The following ESS2 variants were observed in gnomAD, a reference collection of about 807,000 sequenced individuals.
ESS2 encodes the protein splicing factor ESS-2 homolog.
In ESS2, 31 loss-of-function variants were observed where a neutral mutation model predicts 52.0. The observed-to-expected ratio is 0.60, with a 90% CI of 0.45 to 0.81. The LOEUF (loss-of-function observed/expected upper bound fraction) is 0.81, where lower values mean the gene tolerates loss of function less well. ESS2 is among the 30% of genes least tolerant of loss of function. The pLI, the probability that ESS2 is intolerant of heterozygous loss-of-function variation, is 0.00. For synonymous variants in ESS2, 285 were observed against 259.2 expected, an observed-to-expected ratio of 1.10 and a Z score of -0.95; for missense variants, 602 against 637.2, an observed-to-expected ratio of 0.94 and a Z score of 0.59.
rs760323222 is a variant in ESS2, at chr22:19,135,067, G to A, written c.1144C>T (p.Leu382=). 6.2e-7 allele frequency: 1 copy of A among 1,613,588 alleles called. No homozygotes were observed. Among genetic ancestry groups the A allele is most frequent in the Non-Finnish European group, 8.5e-7 (1 of 1,179,890 alleles). ...QEALRRVTEN[L]ASLTPKGLSP... is the part of the protein sequence containing the mutation. ...AGCCAGGCGGCCCCTCACCTGGCCA[G>A]ATTCTCCGTCACTCTCCGCAAGGCT... Residue 382 remains leucine, a synonymous_variant, in exon 9 of 10, where the codon CTG becomes TTG. Transcript: ENST00000252137.
In ESS2 at chr22:19,131,340, C is replaced by A; in HGVS notation, c.*2856G>T. On this transcript the variant is annotated 3_prime_UTR_variant, in exon 10 of 10. Transcript: ENST00000252137. This position sits in a 1 kb window ranked among gnomAD's most constrained non-coding sequence, Gnocchi z 5.7. ...TCCGGTAGTGTAAATGAGGACAATG[C>A]CTGCTGGCCCACATGACGGGGGGAT... 2 of 1,454,712 alleles carry A rather than the reference C, an allele frequency of 1.4e-6. No individual in the cohort carries two copies. The highest frequency in any genetic ancestry group is 2.0e-5 in the Admixed American group (1 of 49,260). 90.1% of individuals were successfully genotyped at this position (1,454,712 alleles called of 1,614,324 possible). A position where few individuals can be genotyped will look rare whatever the true frequency, so the allele number is the denominator to read the frequency against.
intron 6 of ESS2, 175 bp from the exon 7 acceptor site, chr22:19,138,492 C>T (rs776652037): frequency 8.2e-6 from 6 of 729,730 alleles, no homozygotes; most frequent in Admixed American, 2.0e-5. Flanking sequence ...GCCCCAACCC[C>T]CCAAAAGACC....
chr22:19,139,506 G>A, intron 5 of ESS2, 106 bp downstream of exon 5: 1 of 1,298,664 alleles, frequency 7.7e-7, no homozygotes, highest in Non-Finnish European at 1.1e-6. Context: ...AGCCCAAACT[G>A]CAAGGGGGCA....
intron 1 of ESS2, 33 bp from the exon 2 acceptor site, chr22:19,142,927 C>T (rs1240714021): frequency 1.3e-6 from 2 of 1,595,036 alleles, no homozygotes; most frequent in Non-Finnish European, 1.7e-6. Flanking sequence ...AAGTCAGAGG[C>T]CAGGCGCGGT....
intron 2 of ESS2, 36 bp from the exon 3 acceptor site, chr22:19,142,669 C>T: frequency 1.2e-6 from 2 of 1,609,320 alleles, no homozygotes; most frequent in Non-Finnish European, 1.7e-6. Flanking sequence ...TTAGAGTGAG[C>T]CTGAAGCGAC....
chr22:19,144,093 G>A (rs1047825404), intron 1 of ESS2: 1 of 1,009,336 alleles, frequency 9.9e-7, no homozygotes, highest in Non-Finnish European at 1.2e-6. Flanking sequence ...CCTTCTGTGT[G>A]CGTGTGGTGG....
At chr22:19,141,384 G>A (rs1214467946) in intron 3 of ESS2, among the ~76,000 whole-genome samples, 3 of 152,118 alleles carry the variant, frequency 2.0e-5, no homozygotes, top group Non-Finnish European at 4.4e-5. Context: ...TACTACTGAT[G>A]AAAAGAGGGC....
chr22:19,137,278 G>A, intron 8 of ESS2, 45 bp downstream of exon 8: 2 of 1,428,290 alleles, frequency 1.4e-6, no homozygotes, highest in Non-Finnish European at 1.9e-6. Flanking sequence ...GGCTCCAGAG[G>A]TGTCCACCCC....
At position 19,137,355 on chromosome 22, in the gene ESS2, A is replaced by G. The variant is rs758121446; in HGVS notation, c.1003T>C (p.Tyr335His). Residue 335 changes from tyrosine (Y) to histidine (H), a missense_variant, in exon 8 of 10, where the codon TAC becomes CAC. Coordinates refer to ENST00000252137, the MANE Select transcript of ESS2 (RefSeq NM_022719.3). ...PLRVEGSETP[Y>H]VDRTPGPAFK... ...GCTGGGCCGGGTGTCCTGTCCACGT[A>G]GGGCGTTTCCGACCCTTCAACTCTC... is the stretch of plus-strand genomic sequence containing the variant. 6.2e-6 allele frequency: 10 copies of G among 1,613,692 alleles called. No individual in the cohort carries two copies. In the East Asian group the frequency reaches 2.0e-4, roughly 32 times the overall value.
intron 8 of ESS2, among the ~76,000 whole-genome samples, chr22:19,136,052 A>AG (rs1258227801): frequency 6.0e-5 from 9 of 150,512 alleles, no homozygotes; most frequent in Non-Finnish European, 1.2e-4. Context: ...AAAAAAAAAA[A>AG]AAAGAGGCGA....
intron 1 of ESS2, chr22:19,144,264 T>G (rs756753362): frequency 2.0e-5 from 25 of 1,280,932 alleles, no homozygotes; most frequent in Non-Finnish European, 2.5e-5. Flanking sequence ...AAAATCTTCT[T>G]TCCCTGACCC....
rs191156369 is a variant in ESS2, at chr22:19,133,764, G to A, written c.*432C>T. 2.1e-3 allele frequency: 349 copies of A among 164,930 alleles called. 7 individuals are homozygous for A. Among genetic ancestry groups the A allele is most frequent in the Non-Finnish European group, 4.3e-4 (33 of 77,180 alleles). 10.2% of individuals were successfully genotyped at this position (164,930 alleles called of 1,614,324 possible). A position where few individuals can be genotyped will look rare whatever the true frequency, so the allele number is the denominator to read the frequency against. On this transcript the variant is annotated 3_prime_UTR_variant, in exon 10 of 10. Coordinates refer to ENST00000252137, the MANE Select transcript of ESS2 (RefSeq NM_022719.3). ...GAGCTCAACTCAGAACACAGGTTCC[G>A]AGTGCCGCAGAAAGCAACGCCAGTC...
chr22:19,139,556 GAC>G (rs2083646001), intron 5 of ESS2, 54 bp downstream of exon 5: 2 of 1,528,770 alleles, frequency 1.3e-6, no homozygotes, highest in African/African-American at 1.4e-5. Flanking sequence ...AACACAGCCA[GAC>G]ACACACAGCT....
At chr22:19,144,164 C>T (rs2083743866) in intron 1 of ESS2, 2 of 1,084,622 alleles carry the variant, frequency 1.8e-6, no homozygotes, top group Admixed American at 9.9e-5. Flanking sequence ...CCAGGAACCC[C>T]AGCATTCACA....
rs748464483 is a variant in ESS2 at position 19,144,611 on chromosome 22, G to C, written c.30C>G (p.Ser10=). The change falls in exon 1 of 10, where the codon TCC becomes TCG. Residue 10 remains serine, a synonymous_variant. Transcript: ENST00000252137. METPGASAS[S]LLLPAASRPP... ...GCCTGGACGCGGCGGGAAGCAACAAGGACGACGCTGATGCGCCCGGCGTCT... is the reference window on the plus strand; with the variant it reads ...GCCTGGACGCGGCGGGAAGCAACAACGACGACGCTGATGCGCCCGGCGTCT... 8 of 1,577,812 alleles carry C rather than the reference G, an allele frequency of 5.1e-6. No individual in the cohort carries two copies. The highest frequency in any genetic ancestry group is 3.6e-5 in the Admixed American group (2 of 55,352).
intron 3 of ESS2, among the ~76,000 whole-genome samples, chr22:19,140,252 C>A (rs2083662229): frequency 1.3e-5 from 2 of 152,200 alleles, no homozygotes; most frequent in African/African-American, 4.8e-5. Flanking sequence ...AGATTCAGGG[C>A]CAGCTCTGCT....
At chr22:19,139,132 T>TGCGGCCCTGCTGACCCGC in intron 6 of ESS2, 27 bp downstream of exon 6, 1 of 1,562,604 alleles carries the variant, frequency 6.4e-7, no homozygotes, top group Non-Finnish European at 8.7e-7. Flanking sequence ...ACCTGGCCCA[T>TGCGGCCCTGCTGACCCGC]GCGGCCCTGC....
In ESS2 at chr22:19,134,386, A is replaced by AG; in HGVS notation, c.1240dup (p.Leu414ProfsTer145). 6.2e-7 allele frequency: 1 copy of AG among 1,611,720 alleles called. No individual in the cohort carries two copies. Among genetic ancestry groups the AG allele is most frequent in the Non-Finnish European group, 8.5e-7 (1 of 1,179,150 alleles). On this transcript the variant is annotated frameshift_variant, in exon 10 of 10. Coordinates refer to ENST00000252137, the MANE Select transcript of ESS2 (RefSeq NM_022719.3). LOFTEE classifies it high-confidence loss of function. ...TGGGGATGGTGTGTAGCTGGCCCGCAGGGCCCGGTCTGTGTACTTGCTGGC... is the reference window on the plus strand; with the variant it reads ...TGGGGATGGTGTGTAGCTGGCCCGCAGGGGCCCGGTCTGTGTACTTGCTGGC...
rs768714246 is a variant in ESS2 at position 19,134,346 on chromosome 22, G to T, written c.1281C>A (p.His427Gln). ...GCAGCCCACTGGCCGGGGTCTTGAG[G>T]TGGGTGGAGCGTGCTGGGGATGGTG... ...SYTPSPARSTHLKTPASGLQT... is the reference protein window; with the variant it reads ...SYTPSPARSTQLKTPASGLQT... Residue 427 changes from histidine (H) to glutamine (Q), a missense_variant, in exon 10 of 10, where the codon CAC (histidine) becomes CAA (glutamine). Coordinates refer to ENST00000252137, the MANE Select transcript of ESS2 (RefSeq NM_022719.3). 9.3e-6 allele frequency: 15 copies of T among 1,612,098 alleles called. No homozygotes were observed. In the East Asian group the frequency reaches 2.7e-4, roughly 29 times the overall value.
Sources: gnomAD v4.1 joint callset for allele counts (sites outside exome capture counted in the v4.1 genomes callset) on GRCh38, gnomAD v4.1.1 for gene constraint, Gnocchi (gnomAD v3.1) non-coding constraint, MANE v1.5 for transcripts, NCBI Gene and HGNC (gene_info 2026-07-23, HGNC 2026-07-21) for gene names.